Variants in FRYL observed in about 807,000 individuals in gnomAD.
FRYL encodes FRY like transcription coactivator, also known as protein furry homolog-like.
In FRYL, 150 loss-of-function variants were observed where a neutral mutation model predicts 351.2. That is an observed-to-expected ratio of 0.43 (90% CI 0.37 to 0.49). The LOEUF is 0.49. FRYL is among the 20% of genes least tolerant of loss of function. The pLI, the probability that FRYL is intolerant of heterozygous loss-of-function variation, is 0.00. For missense variants in FRYL, 3,036 were observed against 3,619.3 expected, an observed-to-expected ratio of 0.84 and a Z score of 4.13; for synonymous variants, 1,153 against 1,257.1, an observed-to-expected ratio of 0.92 and a Z score of 1.75.
intron 1 of FRYL, among the ~76,000 whole-genome samples, chr4:48,766,668 A>T (rs1158737144): frequency 6.6e-6 from 1 of 152,228 alleles, no homozygotes; most frequent in Non-Finnish European, 1.5e-5. Context: ...TTACCTCTCA[A>T]CTGAAACAAT....
chr4:48,728,013 C>T (rs1770277908), intron 1 of FRYL, among the ~76,000 whole-genome samples: 1 of 152,110 alleles, frequency 6.6e-6, no homozygotes, highest in East Asian at 1.9e-4. Context: ...AGAAGACCTC[C>T]CCTTCCTCCA....
chr4:48,597,604 C>A (rs1744857777), intron 13 of FRYL, among the ~76,000 whole-genome samples: 1 of 151,826 alleles, frequency 6.6e-6, no homozygotes, highest in Admixed American at 6.6e-5. Flanking sequence ...TAAATAAGTC[C>A]CATTAGTTTT....
intron 23 of FRYL, among the ~76,000 whole-genome samples, chr4:48,577,363 G>C (rs973819412): frequency 2.6e-5 from 4 of 152,166 alleles, no homozygotes; most frequent in African/African-American, 9.7e-5. Context: ...CCTTCAACTA[G>C]TTTTGTAATA....
chr4:48,651,839 A>T (rs1757770170), intron 3 of FRYL, among the ~76,000 whole-genome samples: 1 of 152,210 alleles, frequency 6.6e-6, no homozygotes, highest in Non-Finnish European at 1.5e-5. Flanking sequence ...ACACCCACAG[A>T]TACTGGTGAA....
Position 48,522,974 on chromosome 4 carries a change from T to C in FRYL, c.7448A>G (p.Gln2483Arg), listed in dbSNP as rs747547777. 20 of 1,614,004 alleles carry C rather than the reference T, an allele frequency of 1.2e-5. No individual in the cohort carries two copies. The highest frequency in any genetic ancestry group is 1.4e-5 in the Non-Finnish European group (17 of 1,179,894). ...SSTPSLNLTNQEDTDESSEEE... is the reference protein window; with the variant it reads ...SSTPSLNLTNREDTDESSEEE... ...TTCCGAGGACTCATCTGTATCCTCC[T>C]GATTGGTGAGGTTCAGGCTGGGGGT... The change falls in exon 54 of 64, where the codon CAG becomes CGG. Residue 2483 changes from glutamine to arginine, a missense_variant. This residue lies in a region of FRYL where 1,987 missense variants were observed against 2,311.7 expected (regional missense o/e 0.86). Transcript: ENST00000358350.
intron 33 of FRYL, among the ~76,000 whole-genome samples, chr4:48,558,899 ATCT>A (rs2149037968): frequency 6.6e-6 from 1 of 152,260 alleles, no homozygotes; most frequent in South Asian, 2.1e-4. Context: ...ATAAACAAAA[ATCT>A]TCTTTCTCCT....
chr4:48,588,683 T>TTC (rs941761780), intron 18 of FRYL, among the ~76,000 whole-genome samples: 2 of 151,878 alleles, frequency 1.3e-5, no homozygotes, highest in African/African-American at 2.4e-5. Context: ...ATGGGCCTCT[T>TTC]TCTCTCTCTC....
intron 3 of FRYL, among the ~76,000 whole-genome samples, chr4:48,667,622 A>T (rs190636736): frequency 6.6e-6 from 1 of 152,252 alleles, no homozygotes; most frequent in East Asian, 1.9e-4. Context: ...AGAACTAAGT[A>T]TAATATTGGA....
intron 4 of FRYL, among the ~76,000 whole-genome samples, chr4:48,631,800 G>C (rs530220138): frequency 6.6e-6 from 1 of 151,634 alleles, no homozygotes; most frequent in South Asian, 2.1e-4. Flanking sequence ...GAGGCGGTGG[G>C]TCTATAATCC....
intron 1 of FRYL, among the ~76,000 whole-genome samples, chr4:48,716,825 A>G (rs1030561138): frequency 6.6e-6 from 1 of 151,504 alleles, no homozygotes; most frequent in Non-Finnish European, 1.5e-5. Flanking sequence ...ATGCACATGT[A>G]TGTTTATTGT....
At chr4:48,564,550 G>A (rs528379153) in intron 30 of FRYL, among the ~76,000 whole-genome samples, 1 of 152,272 alleles carries the variant, frequency 6.6e-6, no homozygotes, top group South Asian at 2.1e-4. Context: ...GGCAGAGTGT[G>A]GAGGGCAAGG....
chr4:48,763,452 A>T (rs1400150431), intron 1 of FRYL, among the ~76,000 whole-genome samples: 1 of 152,104 alleles, frequency 6.6e-6, no homozygotes, highest in Non-Finnish European at 1.5e-5. Flanking sequence ...ACAGAGTGTG[A>T]CCTTGTCTCT....
intron 2 of FRYL, among the ~76,000 whole-genome samples, chr4:48,702,121 T>C (rs1432153202): frequency 2.0e-5 from 3 of 152,118 alleles, no homozygotes; most frequent in Non-Finnish European, 2.9e-5. Flanking sequence ...CCTAATCTCA[T>C]ACAATTCAAC....
rs57872533 is a variant in FRYL at position 48,761,007 on chromosome 4, CTGTGTGTGTGTGTG to C, written c.-384+19057_-384+19070del. On this transcript the variant is annotated intron_variant, in intron 1 of 63. Transcript: ENST00000358350. ...TCGCTACTCTCTATTATTACTCTGT[CTGTGTGTGTGTGTG>C]TGTGTGTGTGTGTGTGTGTGTGTGT... Among the ~76,000 whole-genome samples, 284 of 134,514 alleles carry C rather than the reference CTGTGTGTGTGTGTG, an allele frequency of 2.1e-3. 2 individuals are homozygous for C. The highest frequency in any genetic ancestry group is 7.3e-3 in the African/African-American group (243 of 33,160). The allele number at this position is 134,514 out of a possible 152,430, so 88.2% of individuals were successfully genotyped here. A position where few individuals can be genotyped will look rare whatever the true frequency, so the allele number is the denominator to read the frequency against.
At chr4:48,577,088 G>A (rs192098959) in intron 23 of FRYL, among the ~76,000 whole-genome samples, 363 of 151,958 alleles carry the variant, frequency 2.4e-3, no homozygotes, top group African/African-American at 8.2e-3. Flanking sequence ...TGACATTTTA[G>A]CTAATAGCAA....
At chr4:48,622,346 A>G (rs1202837177) in intron 5 of FRYL, among the ~76,000 whole-genome samples, 1 of 152,112 alleles carries the variant, frequency 6.6e-6, no homozygotes, top group Non-Finnish European at 1.5e-5. Flanking sequence ...TTACTGCCCT[A>G]TTTATGGTTT....
intron 21 of FRYL, 61 bp from the exon 22 acceptor site, chr4:48,581,012 C>T: frequency 9.7e-7 from 1 of 1,034,486 alleles, no homozygotes; most frequent in Non-Finnish European, 1.4e-6. Flanking sequence ...GTAGCCAAAC[C>T]CAAGTAAACA....
intron 55 of FRYL, among the ~76,000 whole-genome samples, chr4:48,518,951 C>T (rs1435317678): frequency 1.3e-5 from 2 of 152,196 alleles, no homozygotes; most frequent in African/African-American, 4.8e-5. Context: ...CCACGGGCCC[C>T]GTGCCTAGCC....
intron 11 of FRYL, among the ~76,000 whole-genome samples, chr4:48,604,492 A>C (rs749484598): frequency 2.0e-5 from 3 of 152,216 alleles, no homozygotes; most frequent in Non-Finnish European, 4.4e-5. Context: ...AAAAAGGGGA[A>C]ATTTGGACAC....
Sources: allele counts gnomAD v4.1 joint callset (sites outside exome capture counted in the v4.1 genomes callset), GRCh38; gene constraint gnomAD v4.1.1; regional missense constraint gnomAD v4.1.1; transcripts MANE v1.5; gene names NCBI Gene and HGNC (gene_info 2026-07-23, HGNC 2026-07-21).